The following GABBR2 variants were observed in gnomAD, a reference collection of about 807,000 sequenced individuals.
GABBR2 encodes the protein gamma-aminobutyric acid type B receptor subunit 2.
A neutral mutation model predicts 105.6 loss-of-function variants in GABBR2; 23 were observed. The ratio of observed to expected loss-of-function variants is 0.22; its 90% CI spans 0.16 to 0.31. The LOEUF is 0.31. Among genes scored for constraint, GABBR2 ranks in the 10% least tolerant of loss-of-function variants. GABBR2 has a pLI of 1.00. For synonymous variants in GABBR2, 478 were observed against 499.7 expected, an observed-to-expected ratio of 0.96 and a Z score of 0.58; for missense variants, 734 against 1,245.5, an observed-to-expected ratio of 0.59 and a Z score of 6.18.
chr9:98,605,239 C>G (rs1564128496), intron 1 of GABBR2, among the ~76,000 whole-genome samples: 1 of 152,238 alleles, frequency 6.6e-6, no homozygotes. Context: ...ACCTGCCCTG[C>G]CAGTCTCAGG....
chr9:98,700,628 A>G (rs1359767979), intron 1 of GABBR2, among the ~76,000 whole-genome samples: 7 of 152,184 alleles, frequency 4.6e-5, no homozygotes, highest in African/African-American at 1.7e-4. Context: ...TTACAAGTCT[A>G]TCTTGGCATC....
intron 13 of GABBR2, among the ~76,000 whole-genome samples, chr9:98,333,352 G>A (rs546891552): frequency 6.6e-5 from 10 of 152,170 alleles, no homozygotes; most frequent in Non-Finnish European, 2.9e-5. Context: ...TAAATTGGGC[G>A]GCTTAAAACA....
At chr9:98,369,044 C>G (rs962107409) in intron 12 of GABBR2, among the ~76,000 whole-genome samples, 1 of 152,256 alleles carries the variant, frequency 6.6e-6, no homozygotes, top group African/African-American at 2.4e-5. Flanking sequence ...ACTACTGATG[C>G]TCAGCTCCAG....
At chr9:98,495,085 A>AG (rs1194944915) in intron 4 of GABBR2, among the ~76,000 whole-genome samples, 2 of 152,178 alleles carry the variant, frequency 1.3e-5, no homozygotes, top group African/African-American at 2.4e-5. Flanking sequence ...GTGACACTGC[A>AG]GGGGGGAGAC....
intron 1 of GABBR2, among the ~76,000 whole-genome samples, chr9:98,698,320 G>A (rs544957349): frequency 3.9e-5 from 6 of 152,228 alleles, no homozygotes; most frequent in Admixed American, 1.3e-4. Flanking sequence ...TTTTCTAGAT[G>A]ACAATGACAC....
intron 1 of GABBR2, among the ~76,000 whole-genome samples, chr9:98,665,396 T>C (rs987192024): frequency 6.6e-6 from 1 of 152,166 alleles, no homozygotes; most frequent in Non-Finnish European, 1.5e-5. Context: ...AGCAGCATAT[T>C]TCATACTTGG....
intron 3 of GABBR2, among the ~76,000 whole-genome samples, chr9:98,509,043 C>A (rs1220087960): frequency 6.6e-6 from 1 of 152,210 alleles, no homozygotes; most frequent in South Asian, 2.1e-4. Context: ...TGACACCTCA[C>A]ACGACTGGGT....
chr9:98,305,355 G>GA (rs1370370244), intron 15 of GABBR2, among the ~76,000 whole-genome samples: 11 of 152,198 alleles, frequency 7.2e-5, no homozygotes, highest in Admixed American at 3.9e-4. Flanking sequence ...GTGTTATGCA[G>GA]AAAAAATGTT....
intron 7 of GABBR2, among the ~76,000 whole-genome samples, chr9:98,449,583 C>T (rs1315744245): frequency 6.6e-6 from 1 of 152,190 alleles, no homozygotes; most frequent in Non-Finnish European, 1.5e-5. Flanking sequence ...AGGGAACCTG[C>T]ATTTTAAATG....
intron 12 of GABBR2, among the ~76,000 whole-genome samples, chr9:98,367,320 G>A (rs898748235): frequency 1.4e-5 from 2 of 138,440 alleles, no homozygotes; most frequent in Non-Finnish European, 3.1e-5. Flanking sequence ...AAAAAATAAG[G>A]GGGCCACTAA....
intron 1 of GABBR2, among the ~76,000 whole-genome samples, chr9:98,619,371 A>G (rs1405765082): frequency 6.6e-6 from 1 of 152,230 alleles, no homozygotes; most frequent in African/African-American, 2.4e-5. Flanking sequence ...ATTAAACATA[A>G]TAAAAACAAG....
intron 1 of GABBR2, among the ~76,000 whole-genome samples, chr9:98,648,022 C>T (rs1675559433): frequency 1.3e-5 from 2 of 150,564 alleles, no homozygotes; most frequent in African/African-American, 4.9e-5. Flanking sequence ...CAGTCATGGC[C>T]CCTGAGAAGT....
At chr9:98,589,869 C>T (rs1180295613) in intron 1 of GABBR2, among the ~76,000 whole-genome samples, 2 of 152,046 alleles carry the variant, frequency 1.3e-5, no homozygotes, top group Non-Finnish European at 2.9e-5. Context: ...TGCACACCAC[C>T]ACCACCACAC....
intron 7 of GABBR2, among the ~76,000 whole-genome samples, chr9:98,446,408 T>C (rs536716819): frequency 1.3e-5 from 2 of 152,366 alleles, no homozygotes; most frequent in South Asian, 4.1e-4. Context: ...AAGTAACTTC[T>C]CCAAGGTCAC....
At chr9:98,481,515 T>C (rs1043626520) in intron 4 of GABBR2, among the ~76,000 whole-genome samples, 1 of 152,172 alleles carries the variant, frequency 6.6e-6, no homozygotes, top group Admixed American at 6.5e-5. Flanking sequence ...TGATAGTTAA[T>C]CCCTCAAGAA....
At chr9:98,483,657 C>T (rs920852002) in intron 4 of GABBR2, among the ~76,000 whole-genome samples, 1 of 152,226 alleles carries the variant, frequency 6.6e-6, no homozygotes, top group African/African-American at 2.4e-5. Context: ...TCGCCCCCCA[C>T]CCATTCTGCA....
chr9:98,471,593 G>C (rs546546073), intron 6 of GABBR2, among the ~76,000 whole-genome samples: 2 of 152,296 alleles, frequency 1.3e-5, no homozygotes, highest in African/African-American at 4.8e-5. Context: ...TATATCCGAG[G>C]GAGGTCCTTC....
At chr9:98,380,515 C>T (rs1486017427) in intron 11 of GABBR2, among the ~76,000 whole-genome samples, 1 of 152,260 alleles carries the variant, frequency 6.6e-6, no homozygotes, top group African/African-American at 2.4e-5. Context: ...GGGTCCATCC[C>T]TTCCCCCTGG....
chr9:98,453,051 A>G (rs4546761), intron 7 of GABBR2, among the ~76,000 whole-genome samples: 2,945 of 150,758 alleles, frequency 0.02, 89 homozygotes, highest in African/African-American at 0.068. Context: ...TTTGAGATGG[A>G]GTTTTGCTCT....
Sources: gnomAD v4.1 joint callset for allele counts (sites outside exome capture counted in the v4.1 genomes callset) on GRCh38, gnomAD v4.1.1 for gene constraint, MANE v1.5 for transcripts, NCBI Gene and HGNC (gene_info 2026-07-23, HGNC 2026-07-21) for gene names.